The following DLGAP2 variants were observed in gnomAD, a reference collection of about 807,000 sequenced individuals.
The protein encoded by DLGAP2 is disks large-associated protein 2.
A neutral mutation model predicts 100.3 loss-of-function variants in DLGAP2; 26 were observed. That is an observed-to-expected ratio of 0.26 (90% CI 0.19 to 0.36). The LOEUF is 0.36. Among genes scored for constraint, DLGAP2 ranks in the 10% least tolerant of loss-of-function variants. DLGAP2 has a pLI of 1.00. For synonymous variants in DLGAP2, 886 were observed against 630.1 expected, an observed-to-expected ratio of 1.41 and a Z score of -6.08; for missense variants, 1,858 against 1,453.2, an observed-to-expected ratio of 1.28 and a Z score of -4.53.
intron 2 of DLGAP2, among the ~76,000 whole-genome samples, chr8:960,252 T>TTTTTTTTTTC (rs369284313): frequency 2.1e-5 from 3 of 142,004 alleles, no homozygotes; most frequent in African/African-American, 5.5e-5. Flanking sequence ...TTTTTTTTTT[T>TTTTTTTTTTC]CCCGAGACAC....
At chr8:1,087,523 C>T (rs1004484727) in intron 2 of DLGAP2, among the ~76,000 whole-genome samples, 3 of 149,792 alleles carry the variant, frequency 2.0e-5, no homozygotes, top group Non-Finnish European at 3.0e-5. Context: ...GTCAGTGAAC[C>T]ACATGTGTGA....
intron 6 of DLGAP2, among the ~76,000 whole-genome samples, chr8:1,603,023 G>A (rs1648653682): frequency 6.6e-6 from 1 of 152,192 alleles, no homozygotes; most frequent in Non-Finnish European, 1.5e-5. Flanking sequence ...TGCAGAGGCT[G>A]GTTAGAGCGG....
intron 3 of DLGAP2, among the ~76,000 whole-genome samples, chr8:1,450,641 C>T (rs560129621): frequency 9.2e-5 from 14 of 152,224 alleles, no homozygotes; most frequent in African/African-American, 3.4e-4. Context: ...TGTCTTCCCC[C>T]CCATCATTCC....
intron 2 of DLGAP2, among the ~76,000 whole-genome samples, chr8:919,930 C>A (rs1798673667): frequency 6.6e-6 from 1 of 152,184 alleles, no homozygotes; most frequent in African/African-American, 2.4e-5. Flanking sequence ...TCCCTTCCAC[C>A]CCATGTCTAT....
chr8:1,414,920 A>T (rs1796836187), intron 3 of DLGAP2, among the ~76,000 whole-genome samples: 1 of 152,096 alleles, frequency 6.6e-6, no homozygotes, highest in Admixed American at 6.5e-5. Context: ...GAGGCAGGGG[A>T]ATCACTTGAA....
intron 2 of DLGAP2, among the ~76,000 whole-genome samples, chr8:1,010,445 CAT>C (rs1370543093): frequency 6.6e-6 from 1 of 152,220 alleles, no homozygotes; most frequent in Non-Finnish European, 1.5e-5. Context: ...CACACATACT[CAT>C]ATTCTCACAT....
At chr8:1,499,983 T>C (rs929032217) in intron 3 of DLGAP2, among the ~76,000 whole-genome samples, 8 of 17,996 alleles carry the variant, frequency 4.4e-4, no homozygotes, top group Non-Finnish European at 8.0e-4. Context: ...AACACTTGGG[T>C]GGGGGGGGTG....
intron 3 of DLGAP2, among the ~76,000 whole-genome samples, chr8:1,472,550 C>T (rs528217590): frequency 8.5e-5 from 13 of 152,152 alleles, no homozygotes; most frequent in African/African-American, 2.2e-4. Context: ...GTCTCGGGCC[C>T]GAGTGCCAGC....
At chr8:1,199,545 C>T (rs955954442) in intron 2 of DLGAP2, among the ~76,000 whole-genome samples, 2 of 152,178 alleles carry the variant, frequency 1.3e-5, no homozygotes, top group African/African-American at 4.8e-5. Context: ...TCTTCTAGGT[C>T]AGGAGACTCA....
chr8:1,333,341 C>G (rs1172812636), intron 3 of DLGAP2, among the ~76,000 whole-genome samples: 1 of 152,156 alleles, frequency 6.6e-6, no homozygotes, highest in East Asian at 1.9e-4. Context: ...CTCCCTGTCT[C>G]CCTTCCCTGG....
intron 1 of DLGAP2, among the ~76,000 whole-genome samples, chr8:742,015 G>A (rs1406192839): frequency 6.6e-6 from 1 of 152,216 alleles, no homozygotes; most frequent in African/African-American, 2.4e-5. Flanking sequence ...TGAGGATGCT[G>A]TTGGAAGCTC....
At chr8:988,858 C>T (rs1325895901) in intron 2 of DLGAP2, among the ~76,000 whole-genome samples, 3 of 152,160 alleles carry the variant, frequency 2.0e-5, no homozygotes, top group Non-Finnish European at 4.4e-5. Flanking sequence ...CACTGCTGTC[C>T]CACAGTCACC....
intron 2 of DLGAP2, among the ~76,000 whole-genome samples, chr8:1,206,893 C>G (rs1380894964): frequency 6.6e-6 from 1 of 152,178 alleles, no homozygotes; most frequent in Non-Finnish European, 1.5e-5. Context: ...TGTCCCCGGT[C>G]TGCCCCCGGC....
chr8:1,668,488 G>A lies in DLGAP2; in HGVS notation c.1970G>A (p.Ser657Asn), dbSNP rs1386300185. ...AGGATGTCCCCGTGGCCCCAGGACAGCCGCGGCCTCTACAACTCCACGGAC... is the reference window on the plus strand; with the variant it reads ...AGGATGTCCCCGTGGCCCCAGGACAACCGCGGCCTCTACAACTCCACGGAC... The part of the protein sequence containing the change: ...AQRMSPWPQD[S>N]RGLYNSTDSL... The change falls in exon 9 of 15, where the codon AGC (serine) becomes AAC (asparagine). Residue 657 changes from serine to asparagine, a missense_variant. Physicochemically the swap from Ser to Asn is conservative, Grantham distance 46. Coordinates refer to ENST00000637795, the MANE Select transcript of DLGAP2 (RefSeq NM_001346810.2). 1 of 1,593,396 alleles carries A rather than the reference G, an allele frequency of 6.3e-7. No homozygotes were observed.
chr8:1,357,332 A>G (rs966799219), intron 3 of DLGAP2, among the ~76,000 whole-genome samples: 28 of 151,722 alleles, frequency 1.8e-4, no homozygotes, highest in Non-Finnish European at 3.5e-4. Context: ...GGCCAGACTC[A>G]TCACACTGAC....
chr8:1,572,606 G>GA (rs1802774346), intron 6 of DLGAP2, among the ~76,000 whole-genome samples: 1 of 138,306 alleles, frequency 7.2e-6, no homozygotes, highest in African/African-American at 2.7e-5. Context: ...GGAGAGGAGA[G>GA]GGTGAACTGT....
chr8:1,428,822 C>A (rs1184716508), intron 3 of DLGAP2, among the ~76,000 whole-genome samples: 2 of 152,208 alleles, frequency 1.3e-5, no homozygotes, highest in African/African-American at 2.4e-5. Flanking sequence ...GAGCCTTAAA[C>A]AAAATCTGGC....
intron 3 of DLGAP2, among the ~76,000 whole-genome samples, chr8:1,366,871 T>C (rs1010839097): frequency 6.6e-6 from 1 of 152,140 alleles, no homozygotes; most frequent in African/African-American, 2.4e-5. Context: ...ATAACAGTGT[T>C]AACATTTACA....
At chr8:814,484 AG>A (rs1267709744) in intron 1 of DLGAP2, among the ~76,000 whole-genome samples, 1 of 152,322 alleles carries the variant, frequency 6.6e-6, no homozygotes, top group African/African-American at 2.4e-5. Flanking sequence ...ATTACTAGTA[AG>A]GGCTGGATCC....
Sources: allele counts gnomAD v4.1 joint callset (sites outside exome capture counted in the v4.1 genomes callset), GRCh38; gene constraint gnomAD v4.1.1; transcripts MANE v1.5; gene names NCBI Gene and HGNC (gene_info 2026-07-23, HGNC 2026-07-21).